CCDC88A: variants seen among roughly 807,000 people sequenced by gnomAD.
CCDC88A encodes coiled-coil and HOOK domain protein 88A.
CCDC88A carries 54 observed loss-of-function variants against 234.3 expected under a neutral mutation model. The ratio of observed to expected loss-of-function variants is 0.23; its 90% CI spans 0.19 to 0.29. The LOEUF (loss-of-function observed/expected upper bound fraction) is 0.29. CCDC88A is among the 10% of genes least tolerant of loss of function. CCDC88A has a pLI of 1.00. For synonymous variants in CCDC88A, 753 were observed against 737.8 expected, an observed-to-expected ratio of 1.02 and a Z score of -0.33; for missense variants, 1,832 against 2,123.4, an observed-to-expected ratio of 0.86 and a Z score of 2.70.
At chr2:55,383,949 C>T (rs982692830) in intron 3 of CCDC88A, among the ~76,000 whole-genome samples, 3 of 151,954 alleles carry the variant, frequency 2.0e-5, no homozygotes, top group South Asian at 2.1e-4. Context: ...TTGGTTGGTG[C>T]GAAAGTAATT....
intron 13 of CCDC88A, among the ~76,000 whole-genome samples, chr2:55,337,879 A>C (rs1172319175): frequency 6.6e-6 from 1 of 152,124 alleles, no homozygotes; most frequent in Non-Finnish European, 1.5e-5. Context: ...AATAATAATA[A>C]TAATATGAAA....
Position 55,335,116 on chromosome 2 carries a change from A to G in CCDC88A, c.1705T>C (p.Ser569Pro). 6.3e-7 allele frequency: 1 copy of G among 1,580,790 alleles called. No individual in the cohort carries two copies. Among genetic ancestry groups the G allele is most frequent in the Non-Finnish European group, 8.6e-7 (1 of 1,167,868 alleles). ...CTTATCTGGGACCGCTGCCTTAAGG[A>G]AGACACTGTTTGATTCAGATGTTCA... ...ENEHLNQTVS[S>P]LRQRSQISAE... The change falls in exon 15 of 33, where the codon TCC becomes CCC. Residue 569 changes from serine (S) to proline (P), a missense_variant. By Grantham distance (74) the Ser-to-Pro change is moderately conservative (BLOSUM62 -1). Around this residue, in one of 6 missense-constraint regions of CCDC88A, gnomAD observed 1,282 missense variants for 1,543.6 expected, o/e 0.83. Transcript: ENST00000436346. The surrounding 1 kb of genome is among the most constrained non-coding windows in gnomAD (Gnocchi z 4.5).
chr2:55,401,447 A>AATATATAT (rs1553436255), intron 2 of CCDC88A, among the ~76,000 whole-genome samples: 1 of 27,160 alleles, frequency 3.7e-5, no homozygotes, highest in African/African-American at 9.0e-5. Flanking sequence ...AAAAAAAAAA[A>AATATATAT]ATATATATAT....
At chr2:55,370,220 G>C (rs957136135) in intron 5 of CCDC88A, among the ~76,000 whole-genome samples, 3 of 152,036 alleles carry the variant, frequency 2.0e-5, no homozygotes, top group African/African-American at 7.2e-5. Context: ...CAAAAACCAA[G>C]GTCTGACACC....
In CCDC88A at chr2:55,335,950, C is replaced by CG. The variant is rs1376063862; in HGVS notation, c.1656+730dup. Among the ~76,000 whole-genome samples the CG allele has an allele frequency of 1.3e-5, 2 of 151,712 alleles. No individual in the cohort carries two copies. The highest frequency in any genetic ancestry group is 4.8e-5 in the African/African-American group (2 of 41,266). On this transcript the variant is annotated intron_variant, in intron 14 of 32. Coordinates refer to ENST00000436346, the MANE Select transcript of CCDC88A (RefSeq NM_001365480.1). The surrounding 1 kb of genome is among the most constrained non-coding windows in gnomAD (Gnocchi z 4.5). ...GCTGGCACCTATAATCCTAGCACTTCGGGAGGCTGAGGCAGGAATATCACT... is the reference window on the plus strand; with the variant it reads ...GCTGGCACCTATAATCCTAGCACTTCGGGGAGGCTGAGGCAGGAATATCACT...
chr2:55,397,512 T>A (rs1558817815), intron 2 of CCDC88A: 1 of 145,478 alleles, frequency 6.9e-6, no homozygotes, highest in Non-Finnish European at 1.5e-5. Flanking sequence ...ATTTGGATTA[T>A]CCAAATGCAT....
intron 3 of CCDC88A, among the ~76,000 whole-genome samples, chr2:55,383,365 TC>T (rs1299307845): frequency 6.6e-6 from 1 of 150,592 alleles, no homozygotes; most frequent in Non-Finnish European, 1.5e-5. Context: ...ATGCCTGTAG[TC>T]CCAGCATTTT....
intron 2 of CCDC88A, among the ~76,000 whole-genome samples, chr2:55,400,932 T>C (rs759933140): frequency 6.6e-6 from 1 of 152,208 alleles, no homozygotes; most frequent in Non-Finnish European, 1.5e-5. Flanking sequence ...CTATGATACA[T>C]CTGAAATAAC....
intron 9 of CCDC88A, 28 bp downstream of exon 9, chr2:55,349,490 C>T: frequency 6.7e-7 from 1 of 1,492,248 alleles, no homozygotes; most frequent in Non-Finnish European, 9.3e-7. Flanking sequence ...CTTGGTGGTC[C>T]TAAATAACAG....
chr2:55,318,823 C>T lies in CCDC88A; in HGVS notation c.3324+20G>A. 3 of 1,542,112 alleles carry T rather than the reference C, an allele frequency of 1.9e-6. No homozygotes were observed. Among genetic ancestry groups the T allele is most frequent in the South Asian group, 1.3e-5 (1 of 78,816 alleles). On this transcript the variant is annotated intron_variant, in intron 19 of 32. Transcript: ENST00000436346. ...AATTCAAGAGTTTGGTTGCATATTC[C>T]CAAAATATTATATTACAACCTGAAG... is the stretch of plus-strand genomic sequence containing the variant.
intron 3 of CCDC88A, among the ~76,000 whole-genome samples, chr2:55,375,351 C>T (rs536920851): frequency 9.7e-4 from 147 of 151,746 alleles, no homozygotes; most frequent in African/African-American, 3.3e-3. Flanking sequence ...AGTAAAAGAT[C>T]GAGCAAAATT....
At position 55,411,859 on chromosome 2, in the gene CCDC88A, C is replaced by G. The variant is rs575892410; in HGVS notation, c.164+6957G>C. Among the ~76,000 whole-genome samples, 14 of 149,718 alleles carry G rather than the reference C, an allele frequency of 9.4e-5. 1 individual carries two copies. The South Asian group carries it at 2.1e-3, about 23-fold the overall frequency. The stretch of plus-strand genomic sequence containing the variant: ...AACCAAACTGAAAGCACTGTATATT[C>G]TAATACTATAAAAAACCATGGACCA... On this transcript the variant is annotated intron_variant, in intron 2 of 32. Transcript: ENST00000436346.
At chr2:55,360,853 C>T (rs532461677) in intron 7 of CCDC88A, among the ~76,000 whole-genome samples, 4 of 152,186 alleles carry the variant, frequency 2.6e-5, no homozygotes, top group South Asian at 4.1e-4. Flanking sequence ...TTTGGAAGAC[C>T]GAGGAGGGAA....
chr2:55,388,571 T>C (rs1676094711), intron 3 of CCDC88A: 1 of 299,938 alleles, frequency 3.3e-6, no homozygotes, highest in Non-Finnish European at 6.1e-6. Context: ...ACAATAGTCA[T>C]TTGTAACATT....
At chr2:55,383,962 G>A (rs557487841) in intron 3 of CCDC88A, among the ~76,000 whole-genome samples, 13 of 151,972 alleles carry the variant, frequency 8.6e-5, no homozygotes, top group African/African-American at 2.4e-4. Context: ...AAGTAATTGC[G>A]CTCAAGACTA....
At position 55,416,985 on chromosome 2, in the gene CCDC88A, A is replaced by G. The variant is rs118148591; in HGVS notation, c.164+1831T>C. On this transcript the variant is annotated intron_variant, in intron 2 of 32. Transcript: ENST00000436346. ...AGGACACCGAAAAAAAATCTAAAGAAACTGAGAGGTGGAACTGAAAATACA... is the reference window on the plus strand; with the variant it reads ...AGGACACCGAAAAAAAATCTAAAGAGACTGAGAGGTGGAACTGAAAATACA... 2.0e-5 allele frequency: 3 copies of G among 152,112 alleles called. No homozygotes were observed. The East Asian group carries it at 5.8e-4, about 29-fold the overall frequency. The allele number at this position is 152,112 out of a possible 1,614,324, so 9.4% of individuals were successfully genotyped here. A position where few individuals can be genotyped will look rare whatever the true frequency, so the allele number is the denominator to read the frequency against.
chr2:55,383,295 C>T (rs1487166354), intron 3 of CCDC88A, among the ~76,000 whole-genome samples: 1 of 152,006 alleles, frequency 6.6e-6, no homozygotes, highest in African/African-American at 2.4e-5. Flanking sequence ...TCCAAATTCA[C>T]TTTCCCCTTT....
At chr2:55,370,204 T>C (rs2104813449) in intron 5 of CCDC88A, among the ~76,000 whole-genome samples, 1 of 152,204 alleles carries the variant, frequency 6.6e-6, no homozygotes, top group Admixed American at 6.5e-5. Flanking sequence ...CAAGCTGATA[T>C]CATATCAAAA....
intron 2 of CCDC88A, among the ~76,000 whole-genome samples, chr2:55,414,959 C>T (rs1681110266): frequency 1.3e-5 from 2 of 150,370 alleles, no homozygotes; most frequent in South Asian, 4.2e-4. Flanking sequence ...CCCAGTTACT[C>T]GGGAGCCTGA....
Sources: gnomAD v4.1 joint callset for allele counts (sites outside exome capture counted in the v4.1 genomes callset) on GRCh38, gnomAD v4.1.1 for gene constraint, gnomAD v4.1.1 regional missense constraint, Gnocchi (gnomAD v3.1) non-coding constraint, MANE v1.5 for transcripts, NCBI Gene and HGNC (gene_info 2026-07-23, HGNC 2026-07-21) for gene names.